Variants in DNAI1 observed in about 807,000 individuals in gnomAD.
DNAI1 encodes the protein dynein axonemal intermediate chain 1.
A neutral mutation model predicts 92.0 loss-of-function variants in DNAI1; 67 were observed. That is an observed-to-expected ratio of 0.73 (90% CI 0.60 to 0.89). The LOEUF is 0.89. DNAI1 is among the 40% of genes least tolerant of loss of function. The pLI, the probability that DNAI1 is intolerant of heterozygous loss-of-function variation, is 0.00. For missense variants in DNAI1, 839 were observed against 866.6 expected (o/e 0.97, Z 0.40); for synonymous variants, 323 against 319.6 (o/e 1.01, Z -0.11).
chr9:34,475,940 G>T (rs1015245547), intron 1 of DNAI1, among the ~76,000 whole-genome samples: 1 of 152,102 alleles, frequency 6.6e-6, no homozygotes, highest in Admixed American at 6.6e-5. Context: ...GTTCAGTGGG[G>T]TCATGAACCA....
chr9:34,489,948 C>T (rs1469377901), intron 5 of DNAI1, 64 bp from the exon 6 acceptor site: 1 of 1,591,386 alleles, frequency 6.3e-7, no homozygotes, highest in Non-Finnish European at 8.6e-7. Context: ...CCAAGAAAGC[C>T]CTCCCTGCCA....
At chr9:34,492,925 G>A (rs1195938788) in intron 8 of DNAI1, among the ~76,000 whole-genome samples, 2 of 152,092 alleles carry the variant, frequency 1.3e-5, no homozygotes, top group Non-Finnish European at 2.9e-5. Context: ...CTGCATGCTA[G>A]AACAATGTTG....
chr9:34,493,943 C>T (rs79843445), intron 9 of DNAI1, among the ~76,000 whole-genome samples: 2,478 of 152,140 alleles, frequency 0.016, 61 homozygotes, highest in African/African-American at 0.055. Flanking sequence ...GGGGAATCAT[C>T]GTGGGAGTCA....
chr9:34,505,348 A>T (rs956337562), intron 12 of DNAI1, among the ~76,000 whole-genome samples: 1 of 151,944 alleles, frequency 6.6e-6, no homozygotes, highest in Admixed American at 6.6e-5. Context: ...CTATGGTTAC[A>T]TCTCCTTCCC....
At chr9:34,489,186 A>C in intron 4 of DNAI1, 137 bp from the exon 5 acceptor site, 1 of 1,002,484 alleles carries the variant, frequency 1.0e-6, no homozygotes, top group East Asian at 2.4e-5. Flanking sequence ...AAAACTTCAG[A>C]TTAACTGAGG....
In DNAI1 at chr9:34,517,472, A is replaced by G. The variant is rs764710267; in HGVS notation, c.2001+5A>G. On this transcript the variant is annotated splice_donor_5th_base_variant and intron_variant, in intron 19 of 19. Coordinates refer to ENST00000242317, the MANE Select transcript of DNAI1 (RefSeq NM_012144.4). ...AATTTGCGCAAGATGCCAAAGGTAC[A>G]GGCTCTGGGACTTTGAGCTGCTGCA... 6.2e-7 allele frequency: 1 copy of G among 1,614,072 alleles called. No homozygotes were observed. The highest frequency in any genetic ancestry group is 1.7e-5 in the Admixed American group (1 of 60,002).
At position 34,489,332 on chromosome 9, in the gene DNAI1, T is replaced by TA. The variant is rs1416324075; in HGVS notation, c.272dup (p.Tyr91Ter). ...IVRYSFKEGT[Y>*]KPIGFVNQLA... is the part of the protein sequence containing the mutation. ...GCCCCTCTCTTCTTAGGAAGGCACA[T>TA]ATAAGCCTATTGGCTTTGTGAACCA... The change falls in exon 5 of 20, where the codon TAT becomes TAAT. Residue 91 changes from tyrosine (Y) to a stop codon, truncating the protein, a stop_gained and frameshift_variant. Coordinates refer to ENST00000242317, the MANE Select transcript of DNAI1 (RefSeq NM_012144.4). LOFTEE classifies it high-confidence loss of function. 6.2e-7 allele frequency: 1 copy of TA among 1,613,880 alleles called. No individual in the cohort carries two copies. The highest frequency in any genetic ancestry group is 1.3e-5 in the African/African-American group (1 of 74,904).
intron 19 of DNAI1, among the ~76,000 whole-genome samples, chr9:34,518,044 C>A (rs1825203745): frequency 6.6e-6 from 1 of 152,182 alleles, no homozygotes; most frequent in Non-Finnish European, 1.5e-5. Flanking sequence ...GGTCTGGAGC[C>A]CAGAGCGATG....
intron 15 of DNAI1, 57 bp from the exon 16 acceptor site, chr9:34,513,055 C>T: frequency 7.2e-7 from 1 of 1,393,840 alleles, no homozygotes; most frequent in Non-Finnish European, 1.0e-6. Flanking sequence ...GTAGGGGAGG[C>T]ACTGGGAGCC....
In DNAI1 at chr9:34,485,458, C is replaced by A. The variant is rs759540568; in HGVS notation, c.202C>A (p.Arg68=). 6.2e-7 allele frequency: 1 copy of A among 1,613,930 alleles called. No homozygotes were observed. The highest frequency in any genetic ancestry group is 1.3e-5 in the African/African-American group (1 of 74,868). The change falls in exon 4 of 20, where the codon CGG becomes AGG. Residue 68 remains arginine (R), a synonymous_variant. Transcript: ENST00000242317. ...TCAGGAGTTAAAGGAGGAGTTCACT[C>A]GGATTTTGACAGCCAACAACCCACA... ...TDAELKEEFT[R]ILTANNPHAP...
intron 1 of DNAI1, among the ~76,000 whole-genome samples, chr9:34,475,157 T>C (rs1402345333): frequency 6.6e-6 from 1 of 152,210 alleles, no homozygotes; most frequent in African/African-American, 2.4e-5. Context: ...GATTTGTTGG[T>C]GAATTGCTGC....
chr9:34,489,927 C>T (rs1824550780), intron 5 of DNAI1, 85 bp from the exon 6 acceptor site: 1 of 1,568,344 alleles, frequency 6.4e-7, no homozygotes, highest in Non-Finnish European at 8.6e-7. Flanking sequence ...AAGGAAAACC[C>T]CAGGCAGAAA....
chr9:34,499,189 C>T (rs545565508), intron 10 of DNAI1, among the ~76,000 whole-genome samples: 3 of 152,160 alleles, frequency 2.0e-5, no homozygotes, highest in African/African-American at 7.2e-5. Flanking sequence ...ATAACCCAAG[C>T]GGGGTAATCT....
chr9:34,465,923 A>G (rs1050262761), intron 1 of DNAI1, among the ~76,000 whole-genome samples: 2 of 152,250 alleles, frequency 1.3e-5, no homozygotes, highest in Non-Finnish European at 2.9e-5. Flanking sequence ...TTTGAGTCTC[A>G]CAACGCTTTG....
intron 13 of DNAI1, among the ~76,000 whole-genome samples, chr9:34,507,224 G>A (rs1824953878): frequency 1.3e-5 from 2 of 152,114 alleles, no homozygotes; most frequent in South Asian, 4.1e-4. Flanking sequence ...AGACAATGTG[G>A]GAATGAGGGA....
rs575418237 is a variant in DNAI1 at position 34,511,532 on chromosome 9, A to G, written c.1312-577A>G. ...TTCACCCCCCACTAGCAAGCAGGGA[A>G]AGGCCCCTGCAGAACCTTGGCACCC... On this transcript the variant is annotated intron_variant, in intron 13 of 19. Coordinates refer to ENST00000242317, the MANE Select transcript of DNAI1 (RefSeq NM_012144.4). 2.0e-5 allele frequency among the ~76,000 whole-genome samples: 3 copies of G among 152,240 alleles called. 1 individual carries two copies. The South Asian group carries it at 6.2e-4, about 32-fold the overall frequency.
chr9:34,501,123 T>C lies in DNAI1; in HGVS notation c.1020-15T>C. 6.2e-7 allele frequency: 1 copy of C among 1,609,612 alleles called. No individual in the cohort carries two copies. The highest frequency in any genetic ancestry group is 8.5e-7 in the Non-Finnish European group (1 of 1,175,856). ...TTCATTTCCTATGCCAATGGATTCA[T>C]ATTTTTTTTTGCAGGAATCCAAAGT... On this transcript the variant is annotated splice_polypyrimidine_tract_variant and intron_variant, in intron 11 of 19. Transcript: ENST00000242317.
intron 9 of DNAI1, among the ~76,000 whole-genome samples, chr9:34,495,276 C>T (rs1427753140): frequency 6.6e-6 from 1 of 152,154 alleles, no homozygotes; most frequent in East Asian, 1.9e-4. Context: ...ACACTCTCCT[C>T]AGAACACAAC....
intron 13 of DNAI1, among the ~76,000 whole-genome samples, chr9:34,511,170 C>G (rs1021986118): frequency 2.0e-5 from 3 of 152,240 alleles, no homozygotes; most frequent in Non-Finnish European, 4.4e-5. Context: ...ATGGAAAACT[C>G]TGGGCACCCA....
Sources: allele counts gnomAD v4.1 joint callset (sites outside exome capture counted in the v4.1 genomes callset), GRCh38; gene constraint gnomAD v4.1.1; transcripts MANE v1.5; gene names NCBI Gene and HGNC (gene_info 2026-07-23, HGNC 2026-07-21).